QNG1: variants seen among roughly 807,000 people sequenced by gnomAD.
The protein encoded by QNG1 is Q-nucleotide N-glycosylase 1.
chr9:83,948,170 G>A, the QNG1 span, among the ~76,000 whole-genome samples: 1 of 149,214 alleles, frequency 6.7e-6, no homozygotes, highest in African/African-American at 2.5e-5. Flanking sequence ...CCGCGACCCC[G>A]TCTGGGAACT....
the QNG1 span, chr9:83,955,670 C>A: frequency 1.3e-6 from 2 of 1,599,722 alleles, no homozygotes; most frequent in Non-Finnish European, 1.7e-6. Flanking sequence ...TTCAGAGGAC[C>A]AATGTCATAC....
chr9:83,951,242 C>T, the QNG1 span, among the ~76,000 whole-genome samples: 1 of 151,852 alleles, frequency 6.6e-6, no homozygotes, highest in African/African-American at 2.4e-5. Flanking sequence ...TGCACGCCAG[C>T]AAGACTCCAT....
the QNG1 span, chr9:83,944,698 A>G: frequency 7.7e-6 from 7 of 913,366 alleles, no homozygotes; most frequent in Non-Finnish European, 1.0e-5. Flanking sequence ...AATAAATAGT[A>G]CTTTTTTTTT....
At chr9:83,951,142 G>A in the QNG1 span, among the ~76,000 whole-genome samples, 2 of 152,026 alleles carry the variant, frequency 1.3e-5, no homozygotes, top group African/African-American at 4.8e-5. Context: ...ATGATGGCGG[G>A]TGCCTGTAAT....
chr9:83,940,402 C>T, the QNG1 span, among the ~76,000 whole-genome samples: 1 of 151,870 alleles, frequency 6.6e-6, no homozygotes, highest in East Asian at 1.9e-4. Context: ...TGCAGTGAGC[C>T]GAGATCACGC....
At chr9:83,939,694 G>C in the QNG1 span, 1 of 1,614,106 alleles carries the variant, frequency 6.2e-7, no homozygotes. Flanking sequence ...ACCAAAGCGA[G>C]CACCCTCTGA....
At chr9:83,945,065 T>C in the QNG1 span, 8 of 1,177,872 alleles carry the variant, frequency 6.8e-6, no homozygotes, top group East Asian at 2.1e-4. Flanking sequence ...AAGGTGCAGT[T>C]GAAACATTTT....
chr9:83,940,456 A>G, the QNG1 span, among the ~76,000 whole-genome samples: 1 of 152,072 alleles, frequency 6.6e-6, no homozygotes, highest in African/African-American at 2.4e-5. Flanking sequence ...GTATCTCCAA[A>G]ATAAATAAAT....
the QNG1 span, among the ~76,000 whole-genome samples, chr9:83,951,299 G>A: frequency 6.6e-6 from 1 of 152,092 alleles, no homozygotes; most frequent in African/African-American, 2.4e-5. Flanking sequence ...GGTGGCTCAC[G>A]CCTGTAATCC....
the QNG1 span, among the ~76,000 whole-genome samples, chr9:83,955,192 T>C: frequency 1.3e-5 from 2 of 152,182 alleles, no homozygotes; most frequent in Non-Finnish European, 2.9e-5. Context: ...AGAGCAAAAC[T>C]CTGTCTCAAA....
At chr9:83,956,830 C>T in the QNG1 span, 832 of 257,604 alleles carry the variant, frequency 3.2e-3, 5 homozygotes, top group African/African-American at 0.017. Context: ...AAGGGTCCGG[C>T]GTTCACCGGC....
At chr9:83,949,354 C>T in the QNG1 span, among the ~76,000 whole-genome samples, 4 of 152,094 alleles carry the variant, frequency 2.6e-5, no homozygotes, top group Admixed American at 2.6e-4. Context: ...TAAAACAACA[C>T]AAGACATGGC....
the QNG1 span, chr9:83,953,782 A>T: frequency 7.1e-4 from 1,102 of 1,547,616 alleles, 12 homozygotes; most frequent in African/African-American, 0.012. Flanking sequence ...AATTTTACAA[A>T]AACAAAATCC....
the QNG1 span, chr9:83,956,630 G>T: frequency 1.4e-6 from 1 of 729,498 alleles, no homozygotes; most frequent in Non-Finnish European, 2.1e-6. Context: ...CCAGGGAGTG[G>T]CACCGAGAAC....
the QNG1 span, chr9:83,945,132 C>T: frequency 1.5e-6 from 1 of 684,366 alleles, no homozygotes. Flanking sequence ...GGCCGGGCAC[C>T]ATGGCTCCCG....
chr9:83,950,294 T>C, the QNG1 span, among the ~76,000 whole-genome samples: 8,922 of 152,002 alleles, frequency 0.059, 819 homozygotes, highest in African/African-American at 0.2. Flanking sequence ...GTGATCCACC[T>C]GCCTCGGCCT....
chr9:83,953,844 C>G, the QNG1 span: 1 of 1,537,874 alleles, frequency 6.5e-7, no homozygotes, highest in Non-Finnish European at 8.8e-7. Flanking sequence ...TTCAAGTACA[C>G]TGTGTATGAA....
the QNG1 span, among the ~76,000 whole-genome samples, chr9:83,951,643 C>G: frequency 6.6e-6 from 1 of 152,142 alleles, no homozygotes; most frequent in Non-Finnish European, 1.5e-5. Context: ...TTATATTTAT[C>G]AGTATGTCAC....
chr9:83,951,755 G>A, the QNG1 span, among the ~76,000 whole-genome samples: 2 of 152,086 alleles, frequency 1.3e-5, no homozygotes, highest in African/African-American at 2.4e-5. Flanking sequence ...TTAAAAAATA[G>A]CTCTTCTTTC....
Sources: allele counts gnomAD v4.1 joint callset (sites outside exome capture counted in the v4.1 genomes callset), GRCh38; gene constraint gnomAD v4.1.1; transcripts MANE v1.5; gene names NCBI Gene and HGNC (gene_info 2026-07-23, HGNC 2026-07-21).